The following DSCAM variants were observed in gnomAD, a reference collection of about 807,000 sequenced individuals.
DSCAM encodes DS cell adhesion molecule.
DSCAM carries 47 observed loss-of-function variants against 217.7 expected under a neutral mutation model. That is an observed-to-expected ratio of 0.22 (90% CI 0.17 to 0.28). DSCAM has a LOEUF of 0.28. Ranked by LOEUF, DSCAM falls within the 10% of genes least tolerant of loss-of-function variation. The pLI is 1.00. For synonymous variants in DSCAM, 1,056 were observed against 1,015.3 expected, an observed-to-expected ratio of 1.04 and a Z score of -0.76; for missense variants, 2,080 against 2,618.3, an observed-to-expected ratio of 0.79 and a Z score of 4.49.
At chr21:40,722,112 C>G (rs1432767685) in intron 1 of DSCAM, among the ~76,000 whole-genome samples, 1 of 151,992 alleles carries the variant, frequency 6.6e-6, no homozygotes, top group Non-Finnish European at 1.5e-5. Flanking sequence ...AAATAACTTT[C>G]TAGACATTCC....
At chr21:40,481,285 C>T (rs936029674) in intron 3 of DSCAM, among the ~76,000 whole-genome samples, 1 of 151,998 alleles carries the variant, frequency 6.6e-6, no homozygotes, top group Non-Finnish European at 1.5e-5. Flanking sequence ...GTCAGGAGAT[C>T]GAGACCATCC....
intron 16 of DSCAM, among the ~76,000 whole-genome samples, chr21:40,148,720 A>G (rs966016117): frequency 6.6e-6 from 1 of 151,876 alleles, no homozygotes; most frequent in Non-Finnish European, 1.5e-5. Flanking sequence ...CACCACCATC[A>G]CTACTACCAT....
chr21:40,065,865 C>T (rs2089198965), intron 27 of DSCAM, among the ~76,000 whole-genome samples: 7 of 152,184 alleles, frequency 4.6e-5, no homozygotes, highest in Admixed American at 3.9e-4. Flanking sequence ...TCAAAGGGAC[C>T]TCACTGCAAC....
At chr21:40,247,270 C>T (rs1272125077) in intron 11 of DSCAM, among the ~76,000 whole-genome samples, 2 of 152,134 alleles carry the variant, frequency 1.3e-5, no homozygotes, top group Non-Finnish European at 2.9e-5. Flanking sequence ...ATTTCAAAAA[C>T]AATCATGCCT....
At chr21:40,162,723 T>G (rs1239798535) in intron 16 of DSCAM, among the ~76,000 whole-genome samples, 2 of 152,214 alleles carry the variant, frequency 1.3e-5, no homozygotes, top group African/African-American at 4.8e-5. Context: ...CTTTCTTAAT[T>G]CTAAATGAGA....
Position 40,755,865 on chromosome 21 carries a change from C to T in DSCAM, c.44-47094G>A, listed in dbSNP as rs538882816. 3.9e-5 allele frequency among the ~76,000 whole-genome samples: 6 copies of T among 152,324 alleles called. No homozygotes were observed. The South Asian group carries it at 1.2e-3, about 32-fold the overall frequency. Reference sequence around the variant, plus strand: ...GCATGTCCTTTGCAATGTGACTTTGCTGCTCCCCTGACTTCTCTACTCCTA... The same window carrying T: ...GCATGTCCTTTGCAATGTGACTTTGTTGCTCCCCTGACTTCTCTACTCCTA... On this transcript the variant is annotated intron_variant, in intron 1 of 32. Transcript: ENST00000400454.
In DSCAM at chr21:40,634,547, T is replaced by C. The variant is rs148993487; in HGVS notation, c.508+58263A>G. Among the ~76,000 whole-genome samples, 896 of 152,346 alleles carry C rather than the reference T, an allele frequency of 5.9e-3. 13 individuals are homozygous for C. The highest frequency in any genetic ancestry group is 0.02 in the African/African-American group (846 of 41,588). On this transcript the variant is annotated intron_variant, in intron 3 of 32. Coordinates refer to ENST00000400454, the MANE Select transcript of DSCAM (RefSeq NM_001389.5). ...GACCCACAGCTCAGATGCAACACGA[T>C]GGCCATACTTTTCATTCCCAATATG...
At chr21:40,479,449 C>A (rs2075963755) in intron 3 of DSCAM, among the ~76,000 whole-genome samples, 1 of 152,096 alleles carries the variant, frequency 6.6e-6, no homozygotes, top group Non-Finnish European at 1.5e-5. Flanking sequence ...GAAGAAATAT[C>A]CAAGATTGGG....
chr21:40,700,739 T>C lies in DSCAM; in HGVS notation c.361+7715A>G, dbSNP rs556815105. On this transcript the variant is annotated intron_variant, in intron 2 of 32. Coordinates refer to ENST00000400454, the MANE Select transcript of DSCAM (RefSeq NM_001389.5). ...ATTTTTATTCTTTCTTTCTTTCTTT[T>C]TTTTTTTTTTTGAGATGGAGTCTCC... Among the ~76,000 whole-genome samples, 25 of 150,742 alleles carry C rather than the reference T, an allele frequency of 1.7e-4. No individual in the cohort carries two copies. The East Asian group carries it at 3.5e-3, about 21-fold the overall frequency.
intron 32 of DSCAM, among the ~76,000 whole-genome samples, chr21:40,023,266 CATT>C (rs988259080): frequency 2.3e-4 from 35 of 152,172 alleles, no homozygotes; most frequent in Admixed American, 5.9e-4. Flanking sequence ...TTAATCCAAT[CATT>C]GTTGGACATT....
chr21:40,199,541 A>G (rs2146852970), intron 11 of DSCAM, among the ~76,000 whole-genome samples: 1 of 152,242 alleles, frequency 6.6e-6, no homozygotes, highest in South Asian at 2.1e-4. Context: ...GTCAAATGGT[A>G]TTTCTGGTTT....
intron 1 of DSCAM, among the ~76,000 whole-genome samples, chr21:40,729,079 T>G (rs1266803953): frequency 6.6e-6 from 1 of 152,250 alleles, no homozygotes; most frequent in Non-Finnish European, 1.5e-5. Flanking sequence ...GCTTCTGTTC[T>G]TGGCATGATT....
Position 40,352,852 on chromosome 21 carries a change from T to C in DSCAM, c.934+613A>G, listed in dbSNP as rs185588081. ...CGATCACATCCCTCCTTCCTCCAAATCTGCCTTCAGTATCCTTCTGAACAC... is the reference window on the plus strand; with the variant it reads ...CGATCACATCCCTCCTTCCTCCAAACCTGCCTTCAGTATCCTTCTGAACAC... On this transcript the variant is annotated intron_variant, in intron 5 of 32. Transcript: ENST00000400454. Among the ~76,000 whole-genome samples, 127 of 152,212 alleles carry C rather than the reference T, an allele frequency of 8.3e-4. 1 individual carries two copies. Among genetic ancestry groups the C allele is most frequent in the Middle Eastern group, 6.8e-3 (2 of 294 alleles).
intron 3 of DSCAM, among the ~76,000 whole-genome samples, chr21:40,547,163 C>T (rs1310556285): frequency 2.0e-5 from 3 of 152,220 alleles, no homozygotes; most frequent in Admixed American, 6.5e-5. Context: ...CATGACCCCA[C>T]TGTCCCCCGG....
At chr21:40,485,040 A>T (rs141521439) in intron 3 of DSCAM, among the ~76,000 whole-genome samples, 356 of 152,142 alleles carry the variant, frequency 2.3e-3, no homozygotes, top group African/African-American at 8.0e-3. Flanking sequence ...CCAGAGTCTC[A>T]TTATGTTATT....
At chr21:40,020,121 C>T (rs1323734928) in intron 32 of DSCAM, among the ~76,000 whole-genome samples, 6 of 152,156 alleles carry the variant, frequency 3.9e-5, no homozygotes, top group African/African-American at 1.2e-4. Context: ...GCAGTGGTTT[C>T]CCCCATACTG....
chr21:40,220,395 A>C (rs1197969727), intron 11 of DSCAM, among the ~76,000 whole-genome samples: 1 of 152,256 alleles, frequency 6.6e-6, no homozygotes, highest in Non-Finnish European at 1.5e-5. Flanking sequence ...ACTGTACAAC[A>C]AAATATTCAC....
At chr21:40,070,962 T>C (rs1452457299) in intron 27 of DSCAM, among the ~76,000 whole-genome samples, 1 of 152,240 alleles carries the variant, frequency 6.6e-6, no homozygotes, top group Non-Finnish European at 1.5e-5. Context: ...CACAAAAGCA[T>C]GGTCAAATGT....
chr21:40,680,006 GATA>G (rs572980825), intron 3 of DSCAM, among the ~76,000 whole-genome samples: 3 of 151,998 alleles, frequency 2.0e-5, no homozygotes, highest in East Asian at 1.9e-4. Context: ...AGAAGATAAT[GATA>G]ATAATAATAA....
Sources: gnomAD v4.1 joint callset for allele counts (sites outside exome capture counted in the v4.1 genomes callset) on GRCh38, gnomAD v4.1.1 for gene constraint, MANE v1.5 for transcripts, NCBI Gene and HGNC (gene_info 2026-07-23, HGNC 2026-07-21) for gene names.